The following TNRC18 variants were observed in gnomAD, a reference collection of about 807,000 sequenced individuals.
The protein encoded by TNRC18 is trinucleotide repeat-containing gene 18 protein.
In TNRC18, 69 loss-of-function variants were observed where a neutral mutation model predicts 226.7. That is an observed-to-expected ratio of 0.30 (90% CI 0.25 to 0.37). The LOEUF (loss-of-function observed/expected upper bound fraction) is 0.37. TNRC18 is among the 10% of genes least tolerant of loss of function. The pLI, the probability that TNRC18 is intolerant of heterozygous loss-of-function variation, is 1.00. For missense variants in TNRC18, 4,754 were observed against 4,256.6 expected (o/e 1.12, Z -3.25); for synonymous variants, 2,449 against 1,927.6 (o/e 1.27, Z -7.09).
chr7:5,361,950 C>T lies in TNRC18; in HGVS notation c.4479G>A (p.Gln1493=), dbSNP rs1793102631. ...FRMRLAEVQR[Q]YKEKQRELVK... Reference sequence around the variant, plus strand: ...CCAGCTCACGCTGCTTCTCCTTGTACTGGCGCTGCACCTCGGCCAGCCGCA... The same window carrying T: ...CCAGCTCACGCTGCTTCTCCTTGTATTGGCGCTGCACCTCGGCCAGCCGCA... Residue 1493 remains glutamine (Q), a synonymous_variant, in exon 13 of 30, where the codon CAG becomes CAA. Coordinates refer to ENST00000430969, the MANE Select transcript of TNRC18 (RefSeq NM_001080495.3). 3 of 1,610,668 alleles carry T rather than the reference C, an allele frequency of 1.9e-6. No individual in the cohort carries two copies. Among genetic ancestry groups the T allele is most frequent in the Non-Finnish European group, 8.5e-7 (1 of 1,178,914 alleles).
intron 11 of TNRC18, among the ~76,000 whole-genome samples, chr7:5,368,825 T>A (rs557046647): frequency 6.6e-6 from 1 of 152,222 alleles, no homozygotes; most frequent in East Asian, 1.9e-4. Flanking sequence ...TCAACGGGTG[T>A]TGCCCCGGCC....
At chr7:5,336,010 C>G (rs192187818) in intron 18 of TNRC18, among the ~76,000 whole-genome samples, 6 of 151,950 alleles carry the variant, frequency 3.9e-5, no homozygotes, top group East Asian at 1.9e-4. Flanking sequence ...AGTTTGAGAC[C>G]AGCCTGGCCA....
chr7:5,387,840 T>G lies in TNRC18; in HGVS notation c.1984A>C (p.Lys662Gln). The G allele has an allele frequency of 1.9e-6, 3 of 1,605,610 alleles. No homozygotes were observed. Among genetic ancestry groups the G allele is most frequent in the Non-Finnish European group, 2.5e-6 (3 of 1,178,836 alleles). ...KRDPERPESA[K>Q]AFGREGSGAQ... ...CCAGAGCCCTCGCGCCCGAAAGCTTTGGCGCTCTCGGGCCTCTCGGGGTCC... is the reference window on the plus strand; with the variant it reads ...CCAGAGCCCTCGCGCCCGAAAGCTTGGGCGCTCTCGGGCCTCTCGGGGTCC... The change falls in exon 5 of 30, where the codon AAA (lysine) becomes CAA (glutamine). Residue 662 changes from lysine (K) to glutamine (Q), a missense_variant. Lys to Gln is a moderately conservative substitution (Grantham distance 53). Transcript: ENST00000430969.
At chr7:5,403,508 A>T (rs1037364336) in intron 2 of TNRC18, among the ~76,000 whole-genome samples, 20 of 152,052 alleles carry the variant, frequency 1.3e-4, no homozygotes, top group African/African-American at 4.8e-4. Context: ...ACTGCATCCC[A>T]GACTGCGGTG....
At chr7:5,311,226 G>T (rs541183905) in intron 27 of TNRC18, among the ~76,000 whole-genome samples, 1 of 152,246 alleles carries the variant, frequency 6.6e-6, no homozygotes, top group South Asian at 2.1e-4. Context: ...CCATGCTTTT[G>T]AGTGCACTGT....
intron 18 of TNRC18, among the ~76,000 whole-genome samples, chr7:5,341,072 A>C (rs6943906): frequency 6.6e-6 from 1 of 151,888 alleles, no homozygotes; most frequent in Non-Finnish European, 1.5e-5. Flanking sequence ...TGAAAACCCC[A>C]GGGTCCTTAA....
chr7:5,374,194 G>GGGGT lies in TNRC18; in HGVS notation c.3089_3090insACCC (p.His1030GlnfsTer85). The GGGGT allele has an allele frequency of 7.0e-7, 1 of 1,420,040 alleles. No individual in the cohort carries two copies. The highest frequency in any genetic ancestry group is 2.9e-5 in the East Asian group (1 of 34,006). The allele number at this position is 1,420,040 out of a possible 1,614,324, so 88.0% of individuals were successfully genotyped here. ...GGGAGGCGGGCGGCGGGCTGGTGGG[G>GGGGT]TGGGAGCTGGGGGTGGCGGGGTAGG... is the stretch of plus-strand genomic sequence containing the variant. On this transcript the variant is annotated frameshift_variant, in exon 10 of 30. Coordinates refer to ENST00000430969, the MANE Select transcript of TNRC18 (RefSeq NM_001080495.3). LOFTEE classifies it high-confidence loss of function.
At chr7:5,339,305 T>C (rs1790439180) in intron 18 of TNRC18, among the ~76,000 whole-genome samples, 1 of 151,018 alleles carries the variant, frequency 6.6e-6, no homozygotes, top group Admixed American at 6.6e-5. Context: ...GGTGGTGCAG[T>C]CTCAGCTCAC....
intron 2 of TNRC18, among the ~76,000 whole-genome samples, chr7:5,401,830 G>A (rs10267304): frequency 0.12 from 17,716 of 152,186 alleles, 1,780 homozygotes; most frequent in African/African-American, 0.26. Flanking sequence ...GCTCATGCCT[G>A]TAATCTCAAC....
chr7:5,396,541 A>C (rs528475337), intron 2 of TNRC18, among the ~76,000 whole-genome samples: 1 of 152,232 alleles, frequency 6.6e-6, no homozygotes, highest in East Asian at 1.9e-4. Flanking sequence ...AATATAAATA[A>C]TAACAATAAC....
rs112797796 is a variant in TNRC18 at position 5,367,256 on chromosome 7, T to C, written c.4219+3119A>G. Among the ~76,000 whole-genome samples, 12 of 151,872 alleles carry C rather than the reference T, an allele frequency of 7.9e-5. 1 individual carries two copies. Among genetic ancestry groups the C allele is most frequent in the African/African-American group, 2.9e-4 (12 of 41,442 alleles). On this transcript the variant is annotated intron_variant, in intron 11 of 29. Coordinates refer to ENST00000430969, the MANE Select transcript of TNRC18 (RefSeq NM_001080495.3). The stretch of plus-strand genomic sequence containing the variant: ...AGCATGTGCCTGTAATCCCAGCTAC[T>C]TGGGAAGCTGAGGCAGGAGAATCAC...
At position 5,320,540 on chromosome 7, in the gene TNRC18, G is replaced by C. The variant is rs1293612295; in HGVS notation, c.6628C>G (p.Gln2210Glu). 2.5e-6 allele frequency: 4 copies of C among 1,610,406 alleles called. No individual in the cohort carries two copies. Among genetic ancestry groups the C allele is most frequent in the Non-Finnish European group, 3.4e-6 (4 of 1,179,242 alleles). The change falls in exon 23 of 30, where the codon CAG becomes GAG. Residue 2210 changes from glutamine (Q) to glutamate (E), a missense_variant. By Grantham distance (29) the Gln-to-Glu change is conservative. Transcript: ENST00000430969. The stretch of plus-strand genomic sequence containing the variant: ...CGCCCCTCCCCCCTCACCGCCTCCT[G>C]CAGCAACTGCTCCAGACAGTAGATG... ...PHIYCLEQLL[Q>E]EAIIDVRPAS...
intron 2 of TNRC18, among the ~76,000 whole-genome samples, chr7:5,398,680 C>A (rs901855068): frequency 1.2e-4 from 18 of 151,594 alleles, no homozygotes; most frequent in Admixed American, 1.1e-3. Context: ...TGCAGTGGCT[C>A]AATCATAGCT....
Position 5,308,362 on chromosome 7 carries a change from GAGGGAGCCCC to G in TNRC18, c.8701-60_8701-51del, listed in dbSNP as rs535688087. The G allele has an allele frequency of 5.0e-4, 779 of 1,549,266 alleles. 8 individuals are homozygous for G. The highest frequency in any genetic ancestry group is 4.2e-3 in the South Asian group (353 of 84,500). On this transcript the variant is annotated intron_variant, in intron 29 of 29. Transcript: ENST00000430969. ...ATGGCAGGTGGGGGGCACAGAGGCC[GAGGGAGCCCC>G]AGGGAGCCACAGGGACAGAGACAGA...
At chr7:5,395,398 A>G (rs1780603015) in intron 2 of TNRC18, among the ~76,000 whole-genome samples, 1 of 152,262 alleles carries the variant, frequency 6.6e-6, no homozygotes, top group East Asian at 1.9e-4. Flanking sequence ...AACATGATGG[A>G]AATCAGCAGG....
chr7:5,373,909 A>T, intron 10 of TNRC18, 146 bp downstream of exon 10: 1 of 576,548 alleles, frequency 1.7e-6, no homozygotes, highest in South Asian at 3.0e-5. Context: ...TGTTTGTCTC[A>T]GTGTCTGGCG....
At chr7:5,375,033 G>A (rs1052410626) in intron 9 of TNRC18, among the ~76,000 whole-genome samples, 8 of 152,148 alleles carry the variant, frequency 5.3e-5, no homozygotes, top group East Asian at 1.9e-4. Context: ...ACTAGGGGCC[G>A]GGCACAGTGC....
intron 18 of TNRC18, among the ~76,000 whole-genome samples, chr7:5,337,387 G>A (rs890277591): frequency 8.6e-5 from 13 of 152,046 alleles, no homozygotes; most frequent in Non-Finnish European, 1.9e-4. Context: ...GGGAGGCTGA[G>A]GCAGCAGAAT....
At chr7:5,402,367 C>G (rs1367987899) in intron 2 of TNRC18, among the ~76,000 whole-genome samples, 2 of 150,416 alleles carry the variant, frequency 1.3e-5, no homozygotes, top group Non-Finnish European at 3.0e-5. Context: ...AACTCCATCT[C>G]TACAAAAATT....
Sources: gnomAD v4.1 joint callset for allele counts (sites outside exome capture counted in the v4.1 genomes callset) on GRCh38, gnomAD v4.1.1 for gene constraint, MANE v1.5 for transcripts, NCBI Gene and HGNC (gene_info 2026-07-23, HGNC 2026-07-21) for gene names.